GPCPD1: variants seen among roughly 807,000 people sequenced by gnomAD.
GPCPD1 encodes glycerophosphocholine phosphodiesterase 1, also known as glycerophosphocholine phosphodiesterase GPCPD1.
A neutral mutation model predicts 89.2 loss-of-function variants in GPCPD1; 29 were observed. The observed-to-expected ratio is 0.33, with a 90% CI of 0.24 to 0.44. The LOEUF is 0.44. GPCPD1 is among the 20% of genes least tolerant of loss of function. The probability of loss-of-function intolerance (pLI) is 1.00; values close to 1 mark genes in which losing one functional copy is unlikely to be tolerated. For missense variants in GPCPD1, 594 were observed against 808.9 expected (o/e 0.73, Z 3.22); for synonymous variants, 258 against 266.3 (o/e 0.97, Z 0.30).
At chr20:5,552,637 G>A (rs570680213) in intron 19 of GPCPD1, among the ~76,000 whole-genome samples, 2 of 152,164 alleles carry the variant, frequency 1.3e-5, no homozygotes, top group African/African-American at 4.8e-5. Context: ...GCCAGTACTT[G>A]TTCCAAATTA....
chr20:5,568,791 C>T (rs1444886057), intron 12 of GPCPD1, among the ~76,000 whole-genome samples: 1 of 151,982 alleles, frequency 6.6e-6, no homozygotes, highest in African/African-American at 2.4e-5. Context: ...TAGGAGTCTG[C>T]AGTCCTAGCT....
rs1307818139 is a variant in GPCPD1 at position 5,575,415 on chromosome 20, G to A, written c.999C>T (p.Ala333=). Residue 333 remains alanine (A), a splice_region_variant and synonymous_variant, in exon 10 of 20, where the codon GCC becomes GCT. Coordinates refer to ENST00000379019, the MANE Select transcript of GPCPD1 (RefSeq NM_019593.5). The part of the protein sequence containing the change: ...HRGAGNSTTT[A]QLAKVQENTI... The stretch of plus-strand genomic sequence containing the variant: ...TCCTACTCAAATATTCAACTTACTG[G>A]GCAGTTGTTGTAGAGTTTCCTGCAC... The A allele has an allele frequency of 4.4e-6, 7 of 1,603,764 alleles. No individual in the cohort carries two copies. Among genetic ancestry groups the A allele is most frequent in the Non-Finnish European group, 6.0e-6 (7 of 1,173,062 alleles).
intron 2 of GPCPD1, among the ~76,000 whole-genome samples, chr20:5,602,398 A>G (rs1322516040): frequency 6.6e-6 from 1 of 152,186 alleles, no homozygotes; most frequent in African/African-American, 2.4e-5. Context: ...AAGTGGCCAC[A>G]CACTAAACCA....
At chr20:5,576,161 C>T (rs1205703847) in intron 8 of GPCPD1, among the ~76,000 whole-genome samples, 183 bp from the exon 9 acceptor site, 1 of 151,410 alleles carries the variant, frequency 6.6e-6, no homozygotes. Flanking sequence ...TGGCTCACGT[C>T]TGTAATCCCA....
chr20:5,566,386 C>T (rs1330483468), intron 14 of GPCPD1, among the ~76,000 whole-genome samples: 7 of 152,168 alleles, frequency 4.6e-5, no homozygotes, highest in Non-Finnish European at 1.0e-4. Flanking sequence ...AGCTTGCCCA[C>T]GGTCATAACA....
intron 8 of GPCPD1, among the ~76,000 whole-genome samples, chr20:5,577,289 G>A (rs192468785): frequency 1.3e-5 from 2 of 151,658 alleles, no homozygotes; most frequent in Non-Finnish European, 1.5e-5. Context: ...CCAAAGTGCT[G>A]GGATTACAAG....
intron 11 of GPCPD1, among the ~76,000 whole-genome samples, chr20:5,573,086 CTT>C (rs201953819): frequency 6.9e-6 from 1 of 144,178 alleles, no homozygotes; most frequent in African/African-American, 2.6e-5. Context: ...ATCTTTCCTT[CTT>C]TTTTTTTTTT....
At chr20:5,593,592 A>G (rs1445261428) in intron 3 of GPCPD1, among the ~76,000 whole-genome samples, 181 bp from the exon 4 acceptor site, 1 of 152,250 alleles carries the variant, frequency 6.6e-6, no homozygotes, top group African/African-American at 2.4e-5. Context: ...TATACTGCAG[A>G]AAGAGCCTTA....
chr20:5,549,760 A>AT (rs1985266416), intron 19 of GPCPD1, among the ~76,000 whole-genome samples: 1 of 151,980 alleles, frequency 6.6e-6, no homozygotes, highest in Admixed American at 6.6e-5. Context: ...AAAAAAAAAA[A>AT]AAAAAAAAAA....
intron 3 of GPCPD1, among the ~76,000 whole-genome samples, chr20:5,596,013 C>T (rs1380748517): frequency 1.3e-5 from 2 of 152,032 alleles, no homozygotes; most frequent in South Asian, 2.1e-4. Context: ...GATTCTAATG[C>T]GATCCCTGGT....
At chr20:5,587,251 T>A (rs555662825) in intron 4 of GPCPD1, among the ~76,000 whole-genome samples, 221 of 152,298 alleles carry the variant, frequency 1.5e-3, no homozygotes, top group Middle Eastern at 6.8e-3. Context: ...TAAATGTAAT[T>A]AAATACAGAG....
At chr20:5,550,029 C>T (rs76898471) in intron 19 of GPCPD1, among the ~76,000 whole-genome samples, 14,163 of 151,680 alleles carry the variant, frequency 0.093, 1,100 homozygotes, top group African/African-American at 0.21. Context: ...CCTGTCTCTA[C>T]TAAAATACAA....
chr20:5,559,971 A>G lies in GPCPD1; in HGVS notation c.1501T>C (p.Phe501Leu). The change falls in exon 17 of 20, where the codon TTT (phenylalanine) becomes CTT (leucine). Residue 501 changes from phenylalanine to leucine, a missense_variant. Transcript: ENST00000379019. ...LENSGKRRIV[F>L]SSFDADICTM... is the part of the protein sequence containing the mutation. ...CAAATATCTGCATCAAATGAAGAAA[A>G]CACTATTCTCCTCTTCCCAGAATTT... The G allele has an allele frequency of 6.4e-7, 1 of 1,556,578 alleles. No individual in the cohort carries two copies. Among genetic ancestry groups the G allele is most frequent in the Non-Finnish European group, 8.7e-7 (1 of 1,144,146 alleles).
At chr20:5,600,750 T>G (rs1980074180) in intron 2 of GPCPD1, among the ~76,000 whole-genome samples, 1 of 151,990 alleles carries the variant, frequency 6.6e-6, no homozygotes. Flanking sequence ...GAGAATCAAT[T>G]GAACCCAGGA....
At chr20:5,571,462 G>A (rs532333089) in intron 11 of GPCPD1, among the ~76,000 whole-genome samples, 7 of 152,078 alleles carry the variant, frequency 4.6e-5, no homozygotes, top group South Asian at 2.1e-4. Flanking sequence ...ATAACAGACC[G>A]AAACATCTTC....
chr20:5,605,136 A>G (rs73587616), intron 1 of GPCPD1, among the ~76,000 whole-genome samples: 5,139 of 152,330 alleles, frequency 0.034, 271 homozygotes, highest in African/African-American at 0.12. Context: ...CTTTCAGAAT[A>G]TATGTTCAAA....
At chr20:5,576,050 C>G (rs1272681626) in intron 8 of GPCPD1, 72 bp from the exon 9 acceptor site, 1 of 637,370 alleles carries the variant, frequency 1.6e-6, no homozygotes, top group Non-Finnish European at 2.8e-6. Flanking sequence ...TACACACACA[C>G]ACACACACAC....
intron 6 of GPCPD1, among the ~76,000 whole-genome samples, chr20:5,580,563 C>T (rs1369512923): frequency 6.6e-6 from 1 of 151,294 alleles, no homozygotes; most frequent in African/African-American, 2.4e-5. Context: ...GTCTCTACTA[C>T]AAATACAAAA....
chr20:5,544,653 C>T lies in GPCPD1; in HGVS notation c.*3008G>A, dbSNP rs542524805. 1 of 152,336 alleles carries T rather than the reference C, an allele frequency of 6.6e-6. No individual in the cohort carries two copies. The highest frequency in any genetic ancestry group is 2.1e-4 in the South Asian group (1 of 4,822). 9.4% of individuals were successfully genotyped at this position (152,336 alleles called of 1,614,324 possible). A position where few individuals can be genotyped will look rare whatever the true frequency, so the allele number is the denominator to read the frequency against. On this transcript the variant is annotated 3_prime_UTR_variant, in exon 20 of 20. Transcript: ENST00000379019. The stretch of plus-strand genomic sequence containing the variant: ...TTTGAGAACATGGGATTCAGAGTCA[C>T]AAAACCCACATCCTAGTCCCAACCC...
Sources: allele counts gnomAD v4.1 joint callset (sites outside exome capture counted in the v4.1 genomes callset), GRCh38; gene constraint gnomAD v4.1.1; transcripts MANE v1.5; gene names NCBI Gene and HGNC (gene_info 2026-07-23, HGNC 2026-07-21).